VGLL3: variants seen among roughly 807,000 people sequenced by gnomAD.
The protein encoded by VGLL3 is transcription cofactor vestigial-like protein 3.
VGLL3 carries 18 observed loss-of-function variants against 29.2 expected under a neutral mutation model. The ratio of observed to expected loss-of-function variants is 0.62; its 90% confidence interval spans 0.43 to 0.91. The LOEUF is 0.91. VGLL3 is among the 40% of genes least tolerant of loss of function. VGLL3 has a pLI of 0.00. For missense variants in VGLL3, 440 were observed against 413.2 expected (o/e 1.06, Z -0.56); for synonymous variants, 180 against 151.8 (o/e 1.19, Z -1.36).
At chr3:86,953,516 C>T (rs1704655070) in intron 3 of VGLL3, among the ~76,000 whole-genome samples, 1 of 152,026 alleles carries the variant, frequency 6.6e-6, no homozygotes, top group South Asian at 2.1e-4. Flanking sequence ...TTGCTGAATC[C>T]AAGCATATGA....
At chr3:86,950,005 C>T (rs533917528) in intron 3 of VGLL3, among the ~76,000 whole-genome samples, 2 of 152,142 alleles carry the variant, frequency 1.3e-5, no homozygotes, top group South Asian at 4.2e-4. Context: ...ATGTGGTCTA[C>T]ATTTATTTGG....
Position 86,942,005 on chromosome 3 carries a change from G to A in VGLL3, c.*5019C>T, listed in dbSNP as rs558689113. The A allele has an allele frequency of 6.6e-6, 1 of 152,096 alleles. No individual in the cohort carries two copies. The highest frequency in any genetic ancestry group is 2.1e-4 in the South Asian group (1 of 4,816). The allele number at this position is 152,096 out of a possible 1,614,324, so 9.4% of individuals were successfully genotyped here. ...GTTTTTGAATGGATGTTGAAAGTTAGGCTAAAATTTTTACCTAATTTTTCT... is the reference window on the plus strand; with the variant it reads ...GTTTTTGAATGGATGTTGAAAGTTAAGCTAAAATTTTTACCTAATTTTTCT... On this transcript the variant is annotated 3_prime_UTR_variant, in exon 4 of 4. Transcript: ENST00000398399.
At chr3:86,965,775 AC>A (rs1468299468) in intron 3 of VGLL3, among the ~76,000 whole-genome samples, 1 of 152,010 alleles carries the variant, frequency 6.6e-6, no homozygotes, top group African/African-American at 2.4e-5. Context: ...AACCCCCTTG[AC>A]CCCAGGCAGA....
Position 86,938,337 on chromosome 3 carries a change from A to G in VGLL3, c.*8687T>C, listed in dbSNP as rs1704319576. 6.6e-6 allele frequency: 1 copy of G among 152,620 alleles called. No individual in the cohort carries two copies. The highest frequency in any genetic ancestry group is 2.4e-5 in the African/African-American group (1 of 41,470). The allele number at this position is 152,620 out of a possible 1,614,324, so 9.5% of individuals were successfully genotyped here. A position where few individuals can be genotyped will look rare whatever the true frequency, so the allele number is the denominator to read the frequency against. On this transcript the variant is annotated 3_prime_UTR_variant, in exon 4 of 4. Coordinates refer to ENST00000398399, the MANE Select transcript of VGLL3 (RefSeq NM_016206.4). Reference sequence around the variant, plus strand: ...AGCCATTTTCTTTTGGAAACATAAAATACCACAAAACCATACATAGCTCAT... The same window carrying G: ...AGCCATTTTCTTTTGGAAACATAAAGTACCACAAAACCATACATAGCTCAT...
chr3:86,940,589 A>G lies in VGLL3; in HGVS notation c.*6435T>C, dbSNP rs1324324315. The G allele has an allele frequency of 1.3e-5, 2 of 152,566 alleles. No homozygotes were observed. The highest frequency in any genetic ancestry group is 3.2e-3 in the Middle Eastern group (1 of 316). 9.5% of individuals were successfully genotyped at this position (152,566 alleles called of 1,614,324 possible). A position where few individuals can be genotyped will look rare whatever the true frequency, so the allele number is the denominator to read the frequency against. On this transcript the variant is annotated 3_prime_UTR_variant, in exon 4 of 4. Transcript: ENST00000398399. ...AAACAAAAAGAGCTTTAAATTCTCA[A>G]GAAATGCAGACCAAATCCAAATGCT...
intron 3 of VGLL3, among the ~76,000 whole-genome samples, chr3:86,947,574 G>T (rs1307043604): frequency 3.9e-5 from 6 of 152,022 alleles, no homozygotes; most frequent in Non-Finnish European, 7.4e-5. Flanking sequence ...CAATTAGATG[G>T]CTAAAAACTG....
At chr3:86,990,442 C>T (rs914642509) in intron 1 of VGLL3, 176 bp downstream of exon 1, 10 of 978,480 alleles carry the variant, frequency 1.0e-5, no homozygotes, top group Non-Finnish European at 1.2e-5. Flanking sequence ...CACCCGTCCA[C>T]CCTGCTGCTC....
rs746154887 is a variant in VGLL3, at chr3:86,941,612, T to C, written c.*5412A>G. 2 of 152,034 alleles carry C rather than the reference T, an allele frequency of 1.3e-5. No individual in the cohort carries two copies. Among genetic ancestry groups the C allele is most frequent in the Non-Finnish European group, 2.9e-5 (2 of 67,978 alleles). The allele number at this position is 152,034 out of a possible 1,614,324, so 9.4% of individuals were successfully genotyped here. A position where few individuals can be genotyped will look rare whatever the true frequency, so the allele number is the denominator to read the frequency against. On this transcript the variant is annotated 3_prime_UTR_variant, in exon 4 of 4. Coordinates refer to ENST00000398399, the MANE Select transcript of VGLL3 (RefSeq NM_016206.4). ...ACTTATTGGATCAAATTAAATTGAC[T>C]AGAACTTCAAGAGAATACTACTTTG...
chr3:86,960,632 C>A lies in VGLL3; in HGVS notation c.937+7958G>T, dbSNP rs934216056. Among the ~76,000 whole-genome samples the A allele has an allele frequency of 4.3e-4, 66 of 151,874 alleles. 1 individual carries two copies. Among genetic ancestry groups the A allele is most frequent in the Non-Finnish European group, 1.6e-4 (11 of 67,938 alleles). On this transcript the variant is annotated intron_variant, in intron 3 of 3. Transcript: ENST00000398399. ...ACTAGTAGCTATTGTAGTTTTGTTCCCTCTGTCTGGCAAATAACCATTGTC... is the reference window on the plus strand; with the variant it reads ...ACTAGTAGCTATTGTAGTTTTGTTCACTCTGTCTGGCAAATAACCATTGTC...
At chr3:86,960,579 C>T (rs961542079) in intron 3 of VGLL3, among the ~76,000 whole-genome samples, 52 of 152,118 alleles carry the variant, frequency 3.4e-4, no homozygotes, top group African/African-American at 1.3e-3. Context: ...GCAAACTTCT[C>T]AGTCTGTACT....
In VGLL3 at chr3:86,968,719, C is replaced by T; in HGVS notation, c.808G>A (p.Ala270Thr). 2 of 1,614,146 alleles carry T rather than the reference C, an allele frequency of 1.2e-6. No individual in the cohort carries two copies. The highest frequency in any genetic ancestry group is 8.5e-7 in the Non-Finnish European group (1 of 1,180,048). Residue 270 changes from alanine (A) to threonine (T), a missense_variant, in exon 3 of 4, where the codon GCC becomes ACC. Ala to Thr is a moderately conservative substitution (Grantham distance 58). Transcript: ENST00000398399. ...TCACACTGGGGAGCAGGAATCCTGG[C>T]CGCATGCACTGAAGGCATCAGCAGA... ...GPLLMPSVHA[A>T]RIPAPQCDIT... is the part of the protein sequence containing the mutation.
intron 2 of VGLL3, among the ~76,000 whole-genome samples, chr3:86,970,453 A>G (rs574488645): frequency 6.4e-4 from 95 of 149,402 alleles, no homozygotes; most frequent in African/African-American, 2.3e-3. Context: ...ATGGATCAGC[A>G]CATAAGAAAA....
At chr3:86,958,309 T>C (rs1312237090) in intron 3 of VGLL3, among the ~76,000 whole-genome samples, 1 of 152,190 alleles carries the variant, frequency 6.6e-6, no homozygotes, top group Non-Finnish European at 1.5e-5. Context: ...TACTACATTT[T>C]CCAGTCTACT....
intron 3 of VGLL3, among the ~76,000 whole-genome samples, chr3:86,958,740 C>T (rs960725875): frequency 1.3e-5 from 2 of 152,190 alleles, no homozygotes; most frequent in African/African-American, 4.8e-5. Context: ...ATCTCACAGG[C>T]TGGGATCTCC....
chr3:86,967,339 G>C (rs1040404989), intron 3 of VGLL3, among the ~76,000 whole-genome samples: 3 of 152,184 alleles, frequency 2.0e-5, no homozygotes, highest in African/African-American at 4.8e-5. Context: ...AGGGAAGCCT[G>C]TGCCTGCTGT....
At chr3:86,981,022 T>C (rs889385569) in intron 1 of VGLL3, among the ~76,000 whole-genome samples, 2 of 152,150 alleles carry the variant, frequency 1.3e-5, no homozygotes, top group African/African-American at 2.4e-5. Flanking sequence ...ATTCTTTAAA[T>C]AGAAGAGCCT....
chr3:86,957,831 A>G (rs73134215), intron 3 of VGLL3, among the ~76,000 whole-genome samples: 4,801 of 152,174 alleles, frequency 0.032, 123 homozygotes, highest in Middle Eastern at 0.088. Flanking sequence ...TCTCTCTTTC[A>G]ATGCATACAT....
chr3:86,954,504 TG>T (rs574086687), intron 3 of VGLL3, among the ~76,000 whole-genome samples: 202 of 152,366 alleles, frequency 1.3e-3, no homozygotes, highest in African/African-American at 4.7e-3. Context: ...AATGCATAGC[TG>T]GAGGGTAAAT....
intron 3 of VGLL3, among the ~76,000 whole-genome samples, chr3:86,957,016 A>T (rs545804933): frequency 2.8e-4 from 43 of 151,848 alleles, no homozygotes; most frequent in South Asian, 8.3e-4. Flanking sequence ...TGTACTTAAA[A>T]TTTTTTTTGT....
Sources: allele counts gnomAD v4.1 joint callset (sites outside exome capture counted in the v4.1 genomes callset), GRCh38; gene constraint gnomAD v4.1.1; transcripts MANE v1.5; gene names NCBI Gene and HGNC (gene_info 2026-07-23, HGNC 2026-07-21).